TEX9: variants seen among roughly 807,000 people sequenced by gnomAD.
TEX9 encodes testis-expressed protein 9.
TEX9 carries 74 observed loss-of-function variants against 59.6 expected under a neutral mutation model. The ratio of observed to expected loss-of-function variants is 1.24; its 90% CI spans 1.03 to 1.51. The LOEUF (loss-of-function observed/expected upper bound fraction) is 1.51, where lower values mean the gene tolerates loss of function less well. TEX9 is among the 40% of genes most tolerant of loss of function. The pLI is 0.00. For synonymous variants in TEX9, 186 were observed against 152.2 expected (o/e 1.22, Z -1.64); for missense variants, 522 against 447.8 (o/e 1.17, Z -1.49).
chr15:56,302,647 A>G (rs143547419), intron 1 of TEX9, among the ~76,000 whole-genome samples: 28 of 151,330 alleles, frequency 1.9e-4, no homozygotes, highest in African/African-American at 6.4e-4. Flanking sequence ...AGGAAGGAAG[A>G]GAAGACTACA....
intron 3 of TEX9, among the ~76,000 whole-genome samples, chr15:56,380,723 C>T (rs2047686921): frequency 6.6e-6 from 1 of 152,092 alleles, no homozygotes; most frequent in Admixed American, 6.6e-5. Context: ...TTTTCTTCAG[C>T]ACTTTAAGTA....
chr15:56,307,543 C>G (rs1335708310), intron 1 of TEX9, among the ~76,000 whole-genome samples: 1 of 152,194 alleles, frequency 6.6e-6, no homozygotes, highest in Non-Finnish European at 1.5e-5. Flanking sequence ...TATTAAATGT[C>G]CAATATTTGC....
intron 1 of TEX9, among the ~76,000 whole-genome samples, chr15:56,250,893 C>T (rs1382312640): frequency 4.6e-5 from 7 of 152,306 alleles, no homozygotes; most frequent in African/African-American, 1.7e-4. Context: ...CTGCAAAATA[C>T]GTACCTTTAC....
chr15:56,391,836 T>C (rs2048226859), intron 7 of TEX9, among the ~76,000 whole-genome samples: 1 of 152,166 alleles, frequency 6.6e-6, no homozygotes. Flanking sequence ...TTATTGCATG[T>C]TAAATCAACA....
At chr15:56,317,872 A>G (rs1468633366) in intron 1 of TEX9, among the ~76,000 whole-genome samples, 3 of 152,124 alleles carry the variant, frequency 2.0e-5, no homozygotes, top group African/African-American at 7.2e-5. Context: ...GTTGGAGGGC[A>G]CATTTATTGA....
chr15:56,412,100 T>G (rs1176795939), intron 9 of TEX9, among the ~76,000 whole-genome samples: 2 of 152,266 alleles, frequency 1.3e-5, no homozygotes, highest in Admixed American at 1.3e-4. Context: ...TTAGGATATA[T>G]TTCTCTAATA....
intron 12 of TEX9, among the ~76,000 whole-genome samples, chr15:56,440,327 G>A (rs1184287057): frequency 6.6e-6 from 1 of 152,208 alleles, no homozygotes; most frequent in Non-Finnish European, 1.5e-5. Flanking sequence ...AAATGCTGGT[G>A]AGAATGCAGA....
At chr15:56,380,905 T>C (rs2047695028) in intron 3 of TEX9, among the ~76,000 whole-genome samples, 1 of 152,226 alleles carries the variant, frequency 6.6e-6, no homozygotes, top group Admixed American at 6.5e-5. Flanking sequence ...GCAGTCTTTT[T>C]TGGGTTAAAT....
intron 9 of TEX9, chr15:56,395,044 C>A: frequency 1.8e-6 from 1 of 558,608 alleles, no homozygotes; most frequent in Non-Finnish European, 3.1e-6. Context: ...TTGGTGTATT[C>A]ATAGAATTGT....
chr15:56,428,642 A>G, intron 12 of TEX9: 1 of 445,152 alleles, frequency 2.2e-6, no homozygotes, highest in Non-Finnish European at 4.0e-6. Context: ...TCTTAGCGTG[A>G]CAATTAAGCA....
At chr15:56,279,123 A>G (rs2682068) in intron 1 of TEX9, among the ~76,000 whole-genome samples, 4,807 of 152,280 alleles carry the variant, frequency 0.032, 187 homozygotes, top group East Asian at 0.095. Context: ...GGAAAAAAGC[A>G]TGCATGTACT....
At chr15:56,361,608 C>G (rs1030919187), upstream of TEX9, among the ~76,000 whole-genome samples, 5 of 152,134 alleles carry the variant, frequency 3.3e-5, no homozygotes, top group Admixed American at 1.3e-4. Flanking sequence ...CCACCTCCCC[C>G]TCCCTACCAT....
intron 1 of TEX9, among the ~76,000 whole-genome samples, chr15:56,262,502 G>T (rs145846161): frequency 6.6e-6 from 1 of 152,126 alleles, no homozygotes; most frequent in African/African-American, 2.4e-5. Flanking sequence ...AGCTTGTTCA[G>T]GCTTGTTTTA....
chr15:56,262,855 ATCCT>A (rs1425852547), intron 1 of TEX9, among the ~76,000 whole-genome samples: 2 of 152,190 alleles, frequency 1.3e-5, no homozygotes, highest in Admixed American at 6.5e-5. Flanking sequence ...ATAAAATGCC[ATCCT>A]TTATCTCTAG....
intron 1 of TEX9, among the ~76,000 whole-genome samples, chr15:56,339,637 T>C (rs1293773278): frequency 6.6e-6 from 1 of 152,066 alleles, no homozygotes; most frequent in African/African-American, 2.4e-5. Context: ...TTAGTTAAGT[T>C]CGAGACATTA....
chr15:56,441,846 CTA>C (rs2050819347), intron 12 of TEX9, among the ~76,000 whole-genome samples: 1 of 151,960 alleles, frequency 6.6e-6, no homozygotes, highest in Non-Finnish European at 1.5e-5. Flanking sequence ...AACCCCATCT[CTA>C]CTAAAAATAC....
intron 3 of TEX9, among the ~76,000 whole-genome samples, chr15:56,383,145 C>T (rs1567111995): frequency 6.6e-6 from 1 of 152,150 alleles, no homozygotes; most frequent in Non-Finnish European, 1.5e-5. Context: ...AAGTCTCCGC[C>T]CCGCATGACT....
In TEX9 at chr15:56,356,351, T is replaced by A. The variant is rs1000312976; in HGVS notation, c.-106-17090T>A. Among the ~76,000 whole-genome samples, 3 of 152,304 alleles carry A rather than the reference T, an allele frequency of 2.0e-5. 1 individual carries two copies. In the South Asian group the frequency reaches 6.2e-4, roughly 32 times the overall value. ...ATCCAATGTTTTAGTCTTCTTTTTC[T>A]GATAAACTCCACAAACTAGACATTA... On this transcript the variant is annotated intron_variant, in intron 1 of 5. Transcript: ENST00000560827.
At chr15:56,318,102 G>C (rs1410825290) in intron 1 of TEX9, among the ~76,000 whole-genome samples, 2 of 152,004 alleles carry the variant, frequency 1.3e-5, no homozygotes, top group African/African-American at 4.8e-5. Flanking sequence ...TTGTTGAATT[G>C]TCTTATTTCT....
Sources: gnomAD v4.1 joint callset for allele counts (sites outside exome capture counted in the v4.1 genomes callset) on GRCh38, gnomAD v4.1.1 for gene constraint, MANE v1.5 for transcripts, NCBI Gene and HGNC (gene_info 2026-07-23, HGNC 2026-07-21) for gene names.